NBAS: variants seen among roughly 807,000 people sequenced by gnomAD.
NBAS encodes NBAS subunit of NRZ tethering complex.
NBAS carries 219 observed loss-of-function variants against 302.5 expected under a neutral mutation model. That is an observed-to-expected ratio of 0.72 (90% CI 0.65 to 0.81). NBAS has a LOEUF of 0.81. NBAS is among the 30% of genes least tolerant of loss of function. The probability of loss-of-function intolerance (pLI) is 0.00; values close to 1 mark genes in which losing one functional copy is unlikely to be tolerated. For missense variants in NBAS, 2,932 were observed against 2,841.6 expected (o/e 1.03, Z -0.72); for synonymous variants, 1,118 against 1,021.6 (o/e 1.09, Z -1.80).
chr2:15,275,849 G>C (rs1669558816), intron 43 of NBAS, 31 bp from the exon 44 acceptor site: 14 of 1,583,180 alleles, frequency 8.8e-6, no homozygotes, highest in African/African-American at 1.3e-5. Flanking sequence ...GTAGGTAAGT[G>C]GTTCATTCCA....
intron 26 of NBAS, 49 bp from the exon 27 acceptor site, chr2:15,396,524 C>T (rs1675875826): frequency 1.6e-6 from 2 of 1,284,650 alleles, no homozygotes; most frequent in South Asian, 3.0e-5. Flanking sequence ...TTAGTATTAG[C>T]TTTTTAAATA....
chr2:14,849,574 A>G, the NBAS span, among the ~76,000 whole-genome samples: 3 of 150,062 alleles, frequency 2.0e-5, no homozygotes, highest in Non-Finnish European at 4.4e-5. Flanking sequence ...CAGGAAATAC[A>G]GAGAATGCCA....
intron 35 of NBAS, among the ~76,000 whole-genome samples, chr2:15,345,398 T>C (rs1401097614): frequency 2.0e-5 from 3 of 152,116 alleles, no homozygotes; most frequent in African/African-American, 4.8e-5. Context: ...TAAACTTCCA[T>C]TCATAATTGC....
At chr2:15,079,027 C>T in the NBAS span, among the ~76,000 whole-genome samples, 1 of 152,140 alleles carries the variant, frequency 6.6e-6, no homozygotes, top group African/African-American at 2.4e-5. Flanking sequence ...GTCATCTCCA[C>T]CATCACTTTT....
chr2:15,088,494 TAG>T, the NBAS span, among the ~76,000 whole-genome samples: 1 of 152,218 alleles, frequency 6.6e-6, no homozygotes, highest in Non-Finnish European at 1.5e-5. Flanking sequence ...TCTTCTGTGA[TAG>T]AGTCTTAAGT....
At chr2:15,176,684 G>A (rs546555150) in intron 51 of NBAS, among the ~76,000 whole-genome samples, 2 of 152,234 alleles carry the variant, frequency 1.3e-5, no homozygotes, top group African/African-American at 4.8e-5. Context: ...TCTGAAGTCT[G>A]GAATCTGAAA....
intron 44 of NBAS, among the ~76,000 whole-genome samples, chr2:15,275,046 G>A (rs1014228690): frequency 2.0e-5 from 3 of 151,752 alleles, no homozygotes; most frequent in African/African-American, 7.3e-5. Flanking sequence ...GCCTCCCAAA[G>A]TGCTGGGATT....
chr2:15,211,011 T>C (rs528254136), intron 48 of NBAS, among the ~76,000 whole-genome samples: 2 of 152,100 alleles, frequency 1.3e-5, no homozygotes, highest in South Asian at 4.2e-4. Flanking sequence ...AAGTGGATGA[T>C]TAATAGGTAG....
the NBAS span, among the ~76,000 whole-genome samples, chr2:15,154,034 G>A: frequency 2.0e-5 from 3 of 152,194 alleles, no homozygotes; most frequent in Non-Finnish European, 4.4e-5. Context: ...AAAGGGCTGT[G>A]AAGCATATCA....
the NBAS span, among the ~76,000 whole-genome samples, chr2:14,925,694 T>C: frequency 6.6e-6 from 1 of 152,342 alleles, no homozygotes; most frequent in East Asian, 1.9e-4. Context: ...CGGAATGGTT[T>C]ATCACTGCCT....
At chr2:15,086,255 C>G in the NBAS span, among the ~76,000 whole-genome samples, 1 of 152,166 alleles carries the variant, frequency 6.6e-6, no homozygotes, top group Admixed American at 6.5e-5. Flanking sequence ...GGTCTCCCCT[C>G]TGAGAGGAGC....
At chr2:14,971,712 G>A in the NBAS span, among the ~76,000 whole-genome samples, 2 of 152,160 alleles carry the variant, frequency 1.3e-5, no homozygotes, top group Non-Finnish European at 2.9e-5. Context: ...GCCACACTGA[G>A]ATGATGTTGG....
At chr2:15,295,371 A>G (rs1377934080) in intron 40 of NBAS, among the ~76,000 whole-genome samples, 1 of 152,228 alleles carries the variant, frequency 6.6e-6, no homozygotes, top group African/African-American at 2.4e-5. Flanking sequence ...TCCTTTTGCC[A>G]ATGAATAAAA....
At chr2:15,348,391 T>C (rs1178731110) in intron 35 of NBAS, among the ~76,000 whole-genome samples, 2 of 152,090 alleles carry the variant, frequency 1.3e-5, no homozygotes, top group African/African-American at 4.8e-5. Context: ...TGACGGGATT[T>C]AATAGAGTAA....
chr2:15,495,310 G>A (rs1336833979), intron 11 of NBAS, among the ~76,000 whole-genome samples: 1 of 152,066 alleles, frequency 6.6e-6, no homozygotes, highest in African/African-American at 2.4e-5. Context: ...ACAGTTTTCT[G>A]CCTTTAAAAG....
chr2:14,799,469 G>A, the NBAS span, among the ~76,000 whole-genome samples: 2 of 151,784 alleles, frequency 1.3e-5, no homozygotes, highest in African/African-American at 4.8e-5. Context: ...CTTTTTAATG[G>A]CCTACTATAT....
Position 15,218,760 on chromosome 2 carries a change from G to A in NBAS, c.6432+13C>T, listed in dbSNP as rs1666772213. On this transcript the variant is annotated intron_variant, in intron 48 of 51. Transcript: ENST00000281513. ...TGTTAGTAAGAAAAATAATCATTCA[G>A]ACACTCCCTTACCTGTCTCTGGGGC... The A allele has an allele frequency of 6.2e-7, 1 of 1,614,194 alleles. No individual in the cohort carries two copies. The highest frequency in any genetic ancestry group is 1.7e-5 in the Admixed American group (1 of 60,026).
intron 47 of NBAS, among the ~76,000 whole-genome samples, chr2:15,226,133 T>C (rs1667142671): frequency 1.3e-5 from 2 of 152,228 alleles, no homozygotes; most frequent in African/African-American, 4.8e-5. Flanking sequence ...GGTGATATGG[T>C]GAGAGAAATG....
the NBAS span, among the ~76,000 whole-genome samples, chr2:15,029,642 G>C: frequency 3.3e-5 from 5 of 152,198 alleles, no homozygotes; most frequent in Admixed American, 2.0e-4. Context: ...AAAACATTCT[G>C]ATAGGTTTTC....
Sources: gnomAD v4.1 joint callset for allele counts (sites outside exome capture counted in the v4.1 genomes callset) on GRCh38, gnomAD v4.1.1 for gene constraint, MANE v1.5 for transcripts, NCBI Gene and HGNC (gene_info 2026-07-23, HGNC 2026-07-21) for gene names.